ARHGEF26: variants seen among roughly 807,000 people sequenced by gnomAD.
ARHGEF26 encodes Rho guanine nucleotide exchange factor (GEF) 26.
In ARHGEF26, 59 loss-of-function variants were observed where a neutral mutation model predicts 89.4. The observed-to-expected ratio is 0.66, with a 90% CI of 0.54 to 0.82. ARHGEF26 has a LOEUF of 0.82. ARHGEF26 is among the 40% of genes least tolerant of loss of function. ARHGEF26 has a pLI of 0.00. For synonymous variants in ARHGEF26, 500 were observed against 428.4 expected, an observed-to-expected ratio of 1.17 and a Z score of -2.06; for missense variants, 1,234 against 1,085.6, an observed-to-expected ratio of 1.14 and a Z score of -1.92.
In ARHGEF26 at chr3:154,256,768, T is replaced by G; in HGVS notation, c.*1295T>G. On this transcript the variant is annotated 3_prime_UTR_variant, in exon 15 of 15. Coordinates refer to ENST00000465093, the MANE Select transcript of ARHGEF26 (RefSeq NM_015595.4). ...GGTACCCAATTGAAACCTTTTGACCTTAGTGGGAATTCATTCTATTTGCAC... is the reference window on the plus strand; with the variant it reads ...GGTACCCAATTGAAACCTTTTGACCGTAGTGGGAATTCATTCTATTTGCAC... 6.9e-7 allele frequency: 1 copy of G among 1,455,702 alleles called. No individual in the cohort carries two copies. The highest frequency in any genetic ancestry group is 9.0e-7 in the Non-Finnish European group (1 of 1,112,092). The allele number at this position is 1,455,702 out of a possible 1,614,324, so 90.2% of individuals were successfully genotyped here. A position where few individuals can be genotyped will look rare whatever the true frequency, so the allele number is the denominator to read the frequency against.
At position 154,191,321 on chromosome 3, in the gene ARHGEF26, C is replaced by T. The variant is rs1353017243; in HGVS notation, c.1673C>T (p.Ser558Leu). 1.9e-6 allele frequency: 3 copies of T among 1,612,936 alleles called. No individual in the cohort carries two copies. Among genetic ancestry groups the T allele is most frequent in the Non-Finnish European group, 2.5e-6 (3 of 1,179,502 alleles). Residue 558 changes from serine to leucine, a missense_variant, in exon 8 of 15, where the codon TCA becomes TTA. Ser to Leu is a moderately radical substitution (Grantham distance 145). Coordinates refer to ENST00000465093, the MANE Select transcript of ARHGEF26 (RefSeq NM_015595.4). ...AATCCATCCTTTAAGGAAGTATTGT[C>T]AAGGATTGAGTCCCATGAAGACTGT... is the stretch of plus-strand genomic sequence containing the variant. ...ATNPSFKEVL[S>L]RIESHEDCRN...
At chr3:154,131,562 A>G (rs1301957146) in intron 4 of ARHGEF26, among the ~76,000 whole-genome samples, 1 of 152,226 alleles carries the variant, frequency 6.6e-6, no homozygotes, top group African/African-American at 2.4e-5. Flanking sequence ...CATTGAGGCC[A>G]TGTTGGCTCT....
At chr3:154,144,082 A>T (rs2108079911) in intron 4 of ARHGEF26, among the ~76,000 whole-genome samples, 1 of 152,320 alleles carries the variant, frequency 6.6e-6, no homozygotes, top group East Asian at 1.9e-4. Context: ...CTTAGCTTTC[A>T]CTGCAGCAGA....
chr3:154,232,459 T>C (rs1475778724), intron 11 of ARHGEF26, among the ~76,000 whole-genome samples: 1 of 152,210 alleles, frequency 6.6e-6, no homozygotes, highest in Admixed American at 6.5e-5. Flanking sequence ...TGGATAAATA[T>C]TGTGCCTTGT....
chr3:154,202,818 A>G (rs543039898), intron 9 of ARHGEF26, among the ~76,000 whole-genome samples: 101 of 147,290 alleles, frequency 6.9e-4, no homozygotes, highest in African/African-American at 2.4e-3. Flanking sequence ...TTGGTGTATA[A>G]GAATGCTTGT....
chr3:154,236,685 T>TG (rs1188768969), intron 11 of ARHGEF26, among the ~76,000 whole-genome samples: 3 of 152,170 alleles, frequency 2.0e-5, no homozygotes, highest in Admixed American at 2.0e-4. Flanking sequence ...TAAGCAGAGA[T>TG]GGGAAACGGG....
In ARHGEF26 at chr3:154,209,643, G is replaced by A. The variant is rs1054515644; in HGVS notation, c.1846-8226G>A. Among the ~76,000 whole-genome samples, 8 of 152,294 alleles carry A rather than the reference G, an allele frequency of 5.3e-5. No individual in the cohort carries two copies. The South Asian group carries it at 6.2e-4, about 12-fold the overall frequency. ...TGTTCTGAGTCACCTAAAGATGAGGGTGGAGTGACACAAGCACCCCTGTGG... is the reference window on the plus strand; with the variant it reads ...TGTTCTGAGTCACCTAAAGATGAGGATGGAGTGACACAAGCACCCCTGTGG... On this transcript the variant is annotated intron_variant, in intron 9 of 14. Transcript: ENST00000465093.
chr3:154,217,918 T>G lies in ARHGEF26; in HGVS notation c.1895T>G (p.Met632Arg). Residue 632 changes from methionine to arginine, a missense_variant, in exon 10 of 15, where the codon ATG becomes AGG. Coordinates refer to ENST00000465093, the MANE Select transcript of ARHGEF26 (RefSeq NM_015595.4). The part of the protein sequence containing the change: ...EGARKMERTE[M>R]MYTINSQLEF... ...GCCCGGAAGATGGAAAGGACTGAGATGATGTACACAATTAACTCCCAGCTG... is the reference window on the plus strand; with the variant it reads ...GCCCGGAAGATGGAAAGGACTGAGAGGATGTACACAATTAACTCCCAGCTG... 6.2e-7 allele frequency: 1 copy of G among 1,601,846 alleles called. No homozygotes were observed. The highest frequency in any genetic ancestry group is 8.5e-7 in the Non-Finnish European group (1 of 1,173,906).
At chr3:154,149,099 T>C (rs906391433) in intron 4 of ARHGEF26, among the ~76,000 whole-genome samples, 1 of 152,280 alleles carries the variant, frequency 6.6e-6, no homozygotes, top group East Asian at 1.9e-4. Context: ...TAAGCCTCAA[T>C]TGTTACCCCC....
chr3:154,214,721 C>T (rs974116146), intron 9 of ARHGEF26, among the ~76,000 whole-genome samples: 2 of 152,134 alleles, frequency 1.3e-5, no homozygotes, highest in African/African-American at 4.8e-5. Flanking sequence ...GGAGAAGTCA[C>T]AAAAATGTCC....
At chr3:154,231,412 C>T (rs988733323) in intron 11 of ARHGEF26, among the ~76,000 whole-genome samples, 3 of 152,122 alleles carry the variant, frequency 2.0e-5, no homozygotes, top group African/African-American at 7.2e-5. Flanking sequence ...AATTACTTCT[C>T]GTCTCTCAGA....
chr3:154,143,077 C>G (rs1719480646), intron 4 of ARHGEF26, among the ~76,000 whole-genome samples: 1 of 152,060 alleles, frequency 6.6e-6, no homozygotes, highest in African/African-American at 2.4e-5. Context: ...CGTTTTGTTT[C>G]TTTTTTGGGA....
At chr3:154,133,715 G>GT (rs1391510340) in intron 4 of ARHGEF26, among the ~76,000 whole-genome samples, 1 of 152,034 alleles carries the variant, frequency 6.6e-6, no homozygotes, top group Non-Finnish European at 1.5e-5. Flanking sequence ...TTTTAGAATA[G>GT]TTTTTTTCCA....
intron 6 of ARHGEF26, among the ~76,000 whole-genome samples, chr3:154,179,652 G>C (rs1162250822): frequency 1.3e-5 from 2 of 152,190 alleles, no homozygotes; most frequent in African/African-American, 4.8e-5. Context: ...AGTAGTCACT[G>C]AAAGAATGGG....
rs375719880 is a variant in ARHGEF26, at chr3:154,248,424, CAT to C, written c.2301-4688_2301-4687del. On this transcript the variant is annotated intron_variant, in intron 12 of 14. Coordinates refer to ENST00000465093, the MANE Select transcript of ARHGEF26 (RefSeq NM_015595.4). ...TTGTAAATAGTATCTCTGACATAGT[CAT>C]ATACTTCATCCTTTTAGAAAAATCA... is the stretch of plus-strand genomic sequence containing the variant. Among the ~76,000 whole-genome samples, 11 of 152,312 alleles carry C rather than the reference CAT, an allele frequency of 7.2e-5. No homozygotes were observed. In the East Asian group the frequency reaches 1.5e-3, roughly 21 times the overall value.
At chr3:154,123,645 A>T (rs1189089243) in intron 2 of ARHGEF26, among the ~76,000 whole-genome samples, 1 of 152,206 alleles carries the variant, frequency 6.6e-6, no homozygotes, top group Non-Finnish European at 1.5e-5. Context: ...ATATTTTGTC[A>T]TCTTTTTTGT....
chr3:154,241,186 A>G lies in ARHGEF26; in HGVS notation c.2300+607A>G, dbSNP rs1288667653. Among the ~76,000 whole-genome samples, 5 of 152,236 alleles carry G rather than the reference A, an allele frequency of 3.3e-5. No homozygotes were observed. The East Asian group carries it at 7.7e-4, about 23-fold the overall frequency. On this transcript the variant is annotated intron_variant, in intron 12 of 14. Transcript: ENST00000465093. Reference sequence around the variant, plus strand: ...GAGTGGCAGTGAGGGTTAACTTTCAAGTCCACCTTAGTGATTTTTTGGTCC... The same window carrying G: ...GAGTGGCAGTGAGGGTTAACTTTCAGGTCCACCTTAGTGATTTTTTGGTCC...
intron 12 of ARHGEF26, among the ~76,000 whole-genome samples, chr3:154,252,463 T>G (rs1432254662): frequency 2.0e-5 from 3 of 152,248 alleles, no homozygotes; most frequent in African/African-American, 7.2e-5. Flanking sequence ...TGCTTGCTTA[T>G]CTGAAACTTT....
intron 10 of ARHGEF26, among the ~76,000 whole-genome samples, chr3:154,221,867 A>G (rs748451224): frequency 1.3e-5 from 2 of 152,154 alleles, no homozygotes; most frequent in Non-Finnish European, 2.9e-5. Context: ...TCAGATAGGA[A>G]ATTCAGGAGG....
Sources: allele counts gnomAD v4.1 joint callset (sites outside exome capture counted in the v4.1 genomes callset), GRCh38; gene constraint gnomAD v4.1.1; transcripts MANE v1.5; gene names NCBI Gene and HGNC (gene_info 2026-07-23, HGNC 2026-07-21).